Variants in UVSSA observed in about 807,000 individuals in gnomAD.
UVSSA encodes UV-stimulated scaffold protein A.
Under a neutral mutation model 73.9 loss-of-function variants are expected in UVSSA, and 72 were observed. That is an observed-to-expected ratio of 0.97 (90% CI 0.81 to 1.19). UVSSA has a LOEUF of 1.19. UVSSA is among the 50% of genes most tolerant of loss of function. The pLI is 0.00. For missense variants in UVSSA, 1,150 were observed against 965.0 expected (o/e 1.19, Z -2.54); for synonymous variants, 454 against 391.3 (o/e 1.16, Z -1.89).
chr4:1,354,679 G>C, intron 5 of UVSSA, 56 bp from the exon 6 acceptor site: 1 of 1,516,758 alleles, frequency 6.6e-7, no homozygotes, highest in South Asian at 1.2e-5. Flanking sequence ...CCTCTCCGGG[G>C]CCTGTGGGAG....
At chr4:1,349,059 G>GT (rs1714223116) in intron 2 of UVSSA, among the ~76,000 whole-genome samples, 2 of 46,626 alleles carry the variant, frequency 4.3e-5, no homozygotes, top group African/African-American at 1.5e-4. Context: ...CCGGGCGGTT[G>GT]GCGTTTGTGC....
intron 8 of UVSSA, among the ~76,000 whole-genome samples, chr4:1,369,030 C>T (rs1717693706): frequency 6.6e-6 from 1 of 152,218 alleles, no homozygotes; most frequent in Admixed American, 6.5e-5. Flanking sequence ...AAGCTGGGAG[C>T]TCCATCACAG....
At position 1,353,372 on chromosome 4, in the gene UVSSA, T is replaced by G. The variant is rs1715105226; in HGVS notation, c.893T>G (p.Leu298Arg). 6 of 1,602,814 alleles carry G rather than the reference T, an allele frequency of 3.7e-6. No individual in the cohort carries two copies. Among genetic ancestry groups the G allele is most frequent in the Non-Finnish European group, 4.3e-6 (5 of 1,175,356 alleles). Residue 298 changes from leucine to arginine, a missense_variant, in exon 5 of 14, where the codon CTG (leucine) becomes CGG (arginine). Transcript: ENST00000389851. The part of the protein sequence containing the change: ...DLEEFVRSHG[L>R]GSHKYTLDVE... ...GAGGAGTTTGTGCGGAGCCACGGGCTGGGCTCGCACAAGTACACGCTGGAT... is the reference window on the plus strand; with the variant it reads ...GAGGAGTTTGTGCGGAGCCACGGGCGGGGCTCGCACAAGTACACGCTGGAT...
chr4:1,386,523 A>G lies in UVSSA; in HGVS notation c.*562A>G, dbSNP rs796711203. The G allele has an allele frequency of 1.9e-5, 3 of 154,574 alleles. No individual in the cohort carries two copies. The highest frequency in any genetic ancestry group is 7.2e-5 in the African/African-American group (3 of 41,576). The allele number at this position is 154,574 out of a possible 1,614,324, so 9.6% of individuals were successfully genotyped here. A position where few individuals can be genotyped will look rare whatever the true frequency, so the allele number is the denominator to read the frequency against. On this transcript the variant is annotated 3_prime_UTR_variant, in exon 14 of 14. Coordinates refer to ENST00000389851, the MANE Select transcript of UVSSA (RefSeq NM_020894.4). Reference sequence around the variant, plus strand: ...AGGTTTATCCATGCAGTTCCCCTCCAATGTATAAAACAAAGGAGGTGAAAA... The same window carrying G: ...AGGTTTATCCATGCAGTTCCCCTCCGATGTATAAAACAAAGGAGGTGAAAA...
At chr4:1,394,165 C>T (rs569483282) in exon 14 of UVSSA, 160 of 429,606 alleles carry the variant, frequency 3.7e-4, no homozygotes, top group Admixed American at 6.4e-4. Flanking sequence ...CTCTCGGGCA[C>T]ACACACAGCT....
Position 1,349,741 on chromosome 4 carries a change from G to T in UVSSA, c.316G>T (p.Ala106Ser), listed in dbSNP as rs768806295. 6.2e-7 allele frequency: 1 copy of T among 1,612,960 alleles called. No individual in the cohort carries two copies. Among genetic ancestry groups the T allele is most frequent in the Non-Finnish European group, 8.5e-7 (1 of 1,179,436 alleles). ...AQPLPPPREA[A>S]QRLRQATTRA... ...GCCTCTGCCGCCCCCCAGGGAGGCG[G>T]CACAGAGGCTGAGGCAGGCGACCAC... The change falls in exon 3 of 14, where the codon GCA becomes TCA. Residue 106 changes from alanine to serine, a missense_variant. Physicochemically the swap from Ala to Ser is moderately conservative, Grantham distance 99. Transcript: ENST00000389851.
chr4:1,365,101 C>T (rs1470800453), intron 7 of UVSSA, among the ~76,000 whole-genome samples: 8 of 152,200 alleles, frequency 5.3e-5, no homozygotes, highest in Admixed American at 4.6e-4. Context: ...GCAGTTGATG[C>T]CCACCGTGTG....
intron 8 of UVSSA, among the ~76,000 whole-genome samples, chr4:1,371,255 CCTGTGTGTG>C (rs1717997045): frequency 9.7e-6 from 1 of 102,990 alleles, no homozygotes; most frequent in African/African-American, 4.4e-5. Flanking sequence ...TGTGGGTGGA[CCTGTGTGTG>C]TGTGTGTGTG....
Position 1,375,396 on chromosome 4 carries a change from G to T in UVSSA, c.1321G>T (p.Val441Leu). The T allele has an allele frequency of 6.2e-7, 1 of 1,613,630 alleles. No homozygotes were observed. Among genetic ancestry groups the T allele is most frequent in the East Asian group, 2.2e-5 (1 of 44,880 alleles). Residue 441 changes from valine to leucine, a missense_variant, in exon 9 of 14, where the codon GTG becomes TTG. Coordinates refer to ENST00000389851, the MANE Select transcript of UVSSA (RefSeq NM_020894.4). The part of the protein sequence containing the change: ...LEAAPEKDTV[V>L]RCLRTRTRMD... ...GGCAGCACCAGAGAAAGACACAGTT[G>T]TGCGGTGCTTGCGGACGAGGACGAG...
chr4:1,357,309 A>G (rs1715926336), intron 7 of UVSSA, among the ~76,000 whole-genome samples: 1 of 152,264 alleles, frequency 6.6e-6, no homozygotes, highest in Non-Finnish European at 1.5e-5. Flanking sequence ...GGGCCCCTCC[A>G]GCTGGCACAG....
At chr4:1,364,355 G>A (rs914107354) in intron 7 of UVSSA, among the ~76,000 whole-genome samples, 3 of 151,760 alleles carry the variant, frequency 2.0e-5, no homozygotes, top group African/African-American at 4.8e-5. Flanking sequence ...GCTGGTGCGC[G>A]GGCCCCGTGG....
chr4:1,384,006 C>T (rs1719819279), intron 13 of UVSSA, 66 bp downstream of exon 13: 2 of 1,496,102 alleles, frequency 1.3e-6, no homozygotes. Context: ...TCGAGGGGGG[C>T]CATCTGAGCG....
intron 3 of UVSSA, 32 bp from the exon 4 acceptor site, chr4:1,351,683 C>T: frequency 1.2e-6 from 2 of 1,609,138 alleles, no homozygotes; most frequent in Non-Finnish European, 1.7e-6. Flanking sequence ...GCCACCGCGC[C>T]TGTCCCCTAG....
At chr4:1,377,350 C>T (rs1484299959) in intron 10 of UVSSA, among the ~76,000 whole-genome samples, 1 of 152,176 alleles carries the variant, frequency 6.6e-6, no homozygotes, top group Non-Finnish European at 1.5e-5. Flanking sequence ...CGAGGCAGGC[C>T]CTGGTCTCAC....
rs530563681 is a variant in UVSSA, at chr4:1,375,618, T to C, written c.1433+110T>C. The stretch of plus-strand genomic sequence containing the variant: ...TGCTTAGTGCCTTTTCTGGATATCT[T>C]GGTGGAAGCCTTGGGTGTGTACCCC... On this transcript the variant is annotated intron_variant, in intron 9 of 13. Transcript: ENST00000389851. 2.4e-5 allele frequency: 35 copies of C among 1,486,916 alleles called. No individual in the cohort carries two copies. In the East Asian group the frequency reaches 6.4e-4, roughly 27 times the overall value. The allele number at this position is 1,486,916 out of a possible 1,614,324, so 92.1% of individuals were successfully genotyped here. A position where few individuals can be genotyped will look rare whatever the true frequency, so the allele number is the denominator to read the frequency against.
At chr4:1,357,815 C>T (rs1374926675) in intron 7 of UVSSA, 3 of 152,290 alleles carry the variant, frequency 2.0e-5, no homozygotes, top group African/African-American at 7.2e-5. Flanking sequence ...AGCACTAGCC[C>T]CTCCTGCCTC....
chr4:1,346,550 G>A (rs1399607631), upstream of UVSSA, among the ~76,000 whole-genome samples: 1 of 152,106 alleles, frequency 6.6e-6, no homozygotes, highest in South Asian at 2.1e-4. Flanking sequence ...AGGGGTACCT[G>A]CTGTGCGTCT....
intron 4 of UVSSA, among the ~76,000 whole-genome samples, chr4:1,352,497 A>T (rs1714935088): frequency 6.6e-6 from 1 of 152,192 alleles, no homozygotes; most frequent in East Asian, 1.9e-4. Flanking sequence ...GTGTGGCATG[A>T]ACGAGGCTGT....
chr4:1,355,366 A>T, intron 7 of UVSSA, 121 bp downstream of exon 7: 1 of 1,007,262 alleles, frequency 9.9e-7, no homozygotes, highest in Non-Finnish European at 1.4e-6. Context: ...CCCCAAGCCC[A>T]CTCAGCCTCA....
Sources: allele counts gnomAD v4.1 joint callset (sites outside exome capture counted in the v4.1 genomes callset), GRCh38; gene constraint gnomAD v4.1.1; transcripts MANE v1.5; gene names NCBI Gene and HGNC (gene_info 2026-07-23, HGNC 2026-07-21).